Variants in ADK observed in about 807,000 individuals in gnomAD.
ADK encodes the protein adenosine kinase, also known as N6,N6-dimethyladenosine kinase.
A neutral mutation model predicts 44.7 loss-of-function variants in ADK; 24 were observed. The observed-to-expected ratio is 0.54, with a 90% CI of 0.39 to 0.76. The LOEUF is 0.76. ADK is among the 30% of genes least tolerant of loss of function. ADK has a pLI of 0.00. For missense variants in ADK, 321 were observed against 425.1 expected, an observed-to-expected ratio of 0.76 and a Z score of 2.15; for synonymous variants, 128 against 142.6, an observed-to-expected ratio of 0.90 and a Z score of 0.73.
chr10:74,556,129 A>G (rs1467891430), intron 7 of ADK, among the ~76,000 whole-genome samples: 1 of 152,214 alleles, frequency 6.6e-6, no homozygotes, highest in Non-Finnish European at 1.5e-5. Context: ...TCATACATCA[A>G]TAAAATTTGT....
At chr10:74,472,988 T>G (rs1846661973) in intron 6 of ADK, among the ~76,000 whole-genome samples, 1 of 152,028 alleles carries the variant, frequency 6.6e-6, no homozygotes, top group Non-Finnish European at 1.5e-5. Flanking sequence ...CAGATTTTGT[T>G]TGTTTGTTTT....
intron 9 of ADK, among the ~76,000 whole-genome samples, chr10:74,667,950 C>T (rs1159348903): frequency 2.0e-5 from 3 of 152,140 alleles, no homozygotes; most frequent in Non-Finnish European, 4.4e-5. Context: ...AAACGAGGAG[C>T]TCAAGGAATT....
chr10:74,705,715 G>A (rs190935835), intron 10 of ADK, among the ~76,000 whole-genome samples: 1 of 152,332 alleles, frequency 6.6e-6, no homozygotes, highest in African/African-American at 2.4e-5. Flanking sequence ...CTGACAGATG[G>A]TTTGGGAAAG....
rs1848314529 is a variant in ADK, at chr10:74,511,319, T to C, written c.556-13937T>C. On this transcript the variant is annotated intron_variant, in intron 6 of 10. Transcript: ENST00000539909. Reference sequence around the variant, plus strand: ...GTGGTACCTCCAGCTTTGTTCTTTTTACTCAGGATTGCTTCAGCTATTCAG... The same window carrying C: ...GTGGTACCTCCAGCTTTGTTCTTTTCACTCAGGATTGCTTCAGCTATTCAG... Among the ~76,000 whole-genome samples, 4 of 152,236 alleles carry C rather than the reference T, an allele frequency of 2.6e-5. No homozygotes were observed. The South Asian group carries it at 8.3e-4, about 31-fold the overall frequency.
intron 6 of ADK, among the ~76,000 whole-genome samples, chr10:74,478,534 G>A (rs757214043): frequency 6.6e-6 from 1 of 152,160 alleles, no homozygotes; most frequent in Non-Finnish European, 1.5e-5. Context: ...TTCTTTAAAT[G>A]ATACTTTGAA....
intron 4 of ADK, among the ~76,000 whole-genome samples, chr10:74,366,842 A>T (rs1842513126): frequency 6.6e-6 from 1 of 152,130 alleles, no homozygotes; most frequent in Admixed American, 6.5e-5. Flanking sequence ...AGGTGGGCGG[A>T]TTGTTTGAGC....
chr10:74,664,096 CGTT>C (rs1220728025), intron 9 of ADK, among the ~76,000 whole-genome samples: 2 of 152,046 alleles, frequency 1.3e-5, no homozygotes, highest in Non-Finnish European at 2.9e-5. Context: ...TGCTTTGTGA[CGTT>C]GTTTATGATA....
At chr10:74,603,454 T>C (rs150506478) in intron 9 of ADK, among the ~76,000 whole-genome samples, 208 of 152,208 alleles carry the variant, frequency 1.4e-3, no homozygotes, top group Non-Finnish European at 2.3e-3. Context: ...TTGCCCTCCT[T>C]GTGTCCGTGT....
At chr10:74,165,734 T>C (rs1228577422) in intron 1 of ADK, among the ~76,000 whole-genome samples, 1 of 152,226 alleles carries the variant, frequency 6.6e-6, no homozygotes, top group East Asian at 1.9e-4. Context: ...AAATTCTGTA[T>C]GTGCTAGATA....
At chr10:74,416,063 CACAT>C (rs1436959436) in intron 6 of ADK, among the ~76,000 whole-genome samples, 38 of 130,188 alleles carry the variant, frequency 2.9e-4, no homozygotes, top group African/African-American at 7.9e-4. Flanking sequence ...CACACACACA[CACAT>C]ATATGTAATG....
intron 9 of ADK, among the ~76,000 whole-genome samples, chr10:74,656,353 G>A (rs868780328): frequency 6.6e-6 from 1 of 152,234 alleles, no homozygotes; most frequent in South Asian, 2.1e-4. Context: ...TTGCTGCTGG[G>A]GACTTGTCCA....
chr10:74,496,630 A>T (rs191478144), intron 6 of ADK, among the ~76,000 whole-genome samples: 1 of 152,212 alleles, frequency 6.6e-6, no homozygotes, highest in East Asian at 1.9e-4. Context: ...ACCATGCCAC[A>T]CTATGTTTTT....
At chr10:74,155,722 G>T (rs565126456) in intron 1 of ADK, among the ~76,000 whole-genome samples, 1 of 152,066 alleles carries the variant, frequency 6.6e-6, no homozygotes, top group East Asian at 1.9e-4. Context: ...TAGAGACGGG[G>T]TTTAGTAGAG....
chr10:74,504,809 G>A (rs1238653337), intron 6 of ADK, among the ~76,000 whole-genome samples: 2 of 152,048 alleles, frequency 1.3e-5, no homozygotes, highest in Non-Finnish European at 2.9e-5. Flanking sequence ...TCTCTCGCCT[G>A]CTGCCATGTA....
intron 4 of ADK, among the ~76,000 whole-genome samples, chr10:74,364,712 G>A (rs1052673997): frequency 6.6e-6 from 1 of 150,408 alleles, no homozygotes; most frequent in Non-Finnish European, 1.5e-5. Flanking sequence ...GTGTGTGTGT[G>A]TGTGTGTGTG....
chr10:74,665,431 G>T (rs1359169451), intron 9 of ADK, among the ~76,000 whole-genome samples: 1 of 152,078 alleles, frequency 6.6e-6, no homozygotes, highest in African/African-American at 2.4e-5. Flanking sequence ...GGTAGTGACT[G>T]AATTTTACCT....
At chr10:74,333,638 C>T (rs1213036881) in intron 4 of ADK, among the ~76,000 whole-genome samples, 3 of 152,014 alleles carry the variant, frequency 2.0e-5, no homozygotes, top group Admixed American at 1.3e-4. Context: ...ATTGAGAGAG[C>T]TGAAAGGCAA....
chr10:74,474,179 T>C (rs1028436612), intron 6 of ADK, among the ~76,000 whole-genome samples: 1 of 151,552 alleles, frequency 6.6e-6, no homozygotes, highest in Non-Finnish European at 1.5e-5. Context: ...TGCAGTGGTG[T>C]GATCGTGACT....
At chr10:74,413,856 A>G (rs372005838) in intron 6 of ADK, among the ~76,000 whole-genome samples, 1 of 152,290 alleles carries the variant, frequency 6.6e-6, no homozygotes, top group South Asian at 2.1e-4. Flanking sequence ...TCCTCCTTTC[A>G]CTTGAACACT....
Sources: gnomAD v4.1 joint callset for allele counts (sites outside exome capture counted in the v4.1 genomes callset) on GRCh38, gnomAD v4.1.1 for gene constraint, MANE v1.5 for transcripts, NCBI Gene and HGNC (gene_info 2026-07-23, HGNC 2026-07-21) for gene names.